Variants in GLT1D1 observed in about 807,000 individuals in gnomAD.
GLT1D1 encodes the protein glycosyltransferase 1 domain-containing protein 1.
A neutral mutation model predicts 28.7 loss-of-function variants in GLT1D1; 21 were observed. That is an observed-to-expected ratio of 0.73 (90% CI 0.52 to 1.05). GLT1D1 has a LOEUF of 1.05. GLT1D1 is among the 50% of genes least tolerant of loss of function. The pLI is 0.00. For missense variants in GLT1D1, 343 were observed against 330.6 expected (o/e 1.04, Z -0.29); for synonymous variants, 147 against 124.8 (o/e 1.18, Z -1.19).
At chr12:128,879,381 T>TCCTTCCTTCCTTCCTTC (rs1566096266) in intron 2 of GLT1D1, among the ~76,000 whole-genome samples, 4 of 29,296 alleles carry the variant, frequency 1.4e-4, no homozygotes, top group Non-Finnish European at 2.5e-4. Context: ...TTTTTCTTTT[T>TCCTTCCTTCCTTCCTTC]CTTTCTTTCT....
chr12:128,886,332 A>G (rs1477142731), intron 2 of GLT1D1, among the ~76,000 whole-genome samples: 1 of 152,150 alleles, frequency 6.6e-6, no homozygotes, highest in Non-Finnish European at 1.5e-5. Flanking sequence ...ATAATTTACC[A>G]CAAACCCAGT....
At chr12:128,859,326 G>A (rs1956302868) in intron 1 of GLT1D1, among the ~76,000 whole-genome samples, 1 of 152,214 alleles carries the variant, frequency 6.6e-6, no homozygotes, top group African/African-American at 2.4e-5. Context: ...CTCTTCCAGA[G>A]CTGAGAGTCA....
chr12:128,941,952 A>G (rs1368189444), intron 4 of GLT1D1, among the ~76,000 whole-genome samples: 1 of 132,354 alleles, frequency 7.6e-6, no homozygotes, highest in Non-Finnish European at 1.6e-5. Flanking sequence ...TTTATTATTT[A>G]ATAGCTGGGC....
chr12:128,963,956 T>G (rs1593197478), intron 7 of GLT1D1, among the ~76,000 whole-genome samples: 2 of 152,200 alleles, frequency 1.3e-5, no homozygotes, highest in African/African-American at 2.4e-5. Context: ...TACTATAGAC[T>G]GGGGGCTTAA....
rs1956763788 is a variant in GLT1D1, at chr12:128,873,907, CTT to C, written c.69-2005_69-2004del. On this transcript the variant is annotated intron_variant, in intron 1 of 7. Coordinates refer to ENST00000281703, the MANE Select transcript of GLT1D1 (RefSeq NM_144669.3). ...CCTCTCTCTTGCTCCCTTTCTCTTT[CTT>C]TCTCTCTTTCTTTTTCTTTCTTTCT... is the stretch of plus-strand genomic sequence containing the variant. Among the ~76,000 whole-genome samples, 12 of 120,812 alleles carry C rather than the reference CTT, an allele frequency of 9.9e-5. No individual in the cohort carries two copies. The South Asian group carries it at 3.4e-3, about 34-fold the overall frequency. The allele number at this position is 120,812 out of a possible 152,430, so 79.3% of individuals were successfully genotyped here.
chr12:128,980,270 C>T (rs921436233), intron 7 of GLT1D1, among the ~76,000 whole-genome samples: 24 of 152,190 alleles, frequency 1.6e-4, no homozygotes, highest in Non-Finnish European at 2.8e-4. Flanking sequence ...ACAACAGGCT[C>T]GGACAAATCA....
intron 2 of GLT1D1, among the ~76,000 whole-genome samples, chr12:128,878,808 T>C (rs1426968443): frequency 6.6e-6 from 1 of 152,048 alleles, no homozygotes; most frequent in African/African-American, 2.4e-5. Flanking sequence ...AGAGACAAGG[T>C]CTTGCCATGT....
At chr12:128,946,888 A>G (rs945825381) in intron 5 of GLT1D1, among the ~76,000 whole-genome samples, 2 of 148,978 alleles carry the variant, frequency 1.3e-5, no homozygotes, top group Admixed American at 6.7e-5. Context: ...ATCTCAGGTG[A>G]TCTGCCCGCC....
intron 1 of GLT1D1, among the ~76,000 whole-genome samples, chr12:128,855,578 T>C (rs1346764682): frequency 2.0e-5 from 3 of 151,794 alleles, no homozygotes; most frequent in Non-Finnish European, 2.9e-5. Context: ...AAAACAAAAC[T>C]GTTAACGGAA....
intron 1 of GLT1D1, among the ~76,000 whole-genome samples, chr12:128,870,874 C>T (rs1014594500): frequency 1.3e-5 from 2 of 152,070 alleles, no homozygotes; most frequent in Admixed American, 1.3e-4. Context: ...GCCTGTAATC[C>T]CAGCTATTCT....
intron 1 of GLT1D1, among the ~76,000 whole-genome samples, chr12:128,863,229 A>T (rs1394822244): frequency 6.6e-6 from 1 of 152,074 alleles, no homozygotes; most frequent in Non-Finnish European, 1.5e-5. Context: ...ACACCGATAG[A>T]CTGCTTGGGG....
chr12:128,940,134 T>C (rs1268626119), intron 4 of GLT1D1, among the ~76,000 whole-genome samples: 1 of 152,096 alleles, frequency 6.6e-6, no homozygotes, highest in African/African-American at 2.4e-5. Context: ...GTATTGGTAT[T>C]GTATTGGTAT....
At chr12:128,884,286 T>C (rs1013358146) in intron 2 of GLT1D1, among the ~76,000 whole-genome samples, 2 of 152,118 alleles carry the variant, frequency 1.3e-5, no homozygotes, top group Admixed American at 1.3e-4. Flanking sequence ...CGAAATACAA[T>C]AAGCCAGTCA....
intron 7 of GLT1D1, among the ~76,000 whole-genome samples, chr12:128,961,845 A>G (rs1395140811): frequency 6.6e-6 from 1 of 152,224 alleles, no homozygotes; most frequent in East Asian, 1.9e-4. Flanking sequence ...GCACACTGAC[A>G]CATAAAATTA....
At chr12:128,956,158 C>CAAAAAAAAAAAAAAAAAAAAAAAAAA in intron 6 of GLT1D1, among the ~76,000 whole-genome samples, 1 of 7,464 alleles carries the variant, frequency 1.3e-4, no homozygotes, top group African/African-American at 3.9e-4. Flanking sequence ...GACTCCATCT[C>CAAAAAAAAAAAAAAAAAAAAAAAAAA]AAAAAAAAAA....
intron 4 of GLT1D1, among the ~76,000 whole-genome samples, chr12:128,942,782 G>C (rs1370902734): frequency 7.4e-6 from 1 of 135,780 alleles, no homozygotes; most frequent in East Asian, 2.0e-4. Context: ...ACAGAGTCTC[G>C]CTCTGCCCCC....
intron 4 of GLT1D1, among the ~76,000 whole-genome samples, chr12:128,936,906 G>A (rs533700884): frequency 6.6e-6 from 1 of 152,090 alleles, no homozygotes; most frequent in Non-Finnish European, 1.5e-5. Context: ...CTTGCACTTT[G>A]TTCCACGTGG....
chr12:128,859,256 G>A (rs915115461), intron 1 of GLT1D1, among the ~76,000 whole-genome samples: 3 of 152,222 alleles, frequency 2.0e-5, no homozygotes, highest in Middle Eastern at 3.2e-3. Context: ...AGCAAGGTGG[G>A]AGAACGGAGG....
chr12:128,879,054 G>A (rs1341655015), intron 2 of GLT1D1, among the ~76,000 whole-genome samples: 2 of 152,222 alleles, frequency 1.3e-5, no homozygotes, highest in Admixed American at 1.3e-4. Flanking sequence ...TTGTAAGGTT[G>A]TCACTGACTG....
Sources: allele counts gnomAD v4.1 joint callset (sites outside exome capture counted in the v4.1 genomes callset), GRCh38; gene constraint gnomAD v4.1.1; transcripts MANE v1.5; gene names NCBI Gene and HGNC (gene_info 2026-07-23, HGNC 2026-07-21).